NAXD: variants seen among roughly 807,000 people sequenced by gnomAD.
NAXD encodes ATP-dependent (S)-NAD(P)H-hydrate dehydratase.
In NAXD, 22 loss-of-function variants were observed where a neutral mutation model predicts 35.8. That is an observed-to-expected ratio of 0.62 (90% CI 0.44 to 0.88). The LOEUF (loss-of-function observed/expected upper bound fraction) is 0.88, where lower values mean the gene tolerates loss of function less well. Ranked by LOEUF, NAXD falls within the 40% of genes least tolerant of loss-of-function variation. The probability of loss-of-function intolerance (pLI) is 0.00; values close to 1 mark genes in which losing one functional copy is unlikely to be tolerated. For synonymous variants in NAXD, 189 were observed against 177.6 expected, an observed-to-expected ratio of 1.06 and a Z score of -0.51; for missense variants, 428 against 437.7, an observed-to-expected ratio of 0.98 and a Z score of 0.20.
intron 1 of NAXD, among the ~76,000 whole-genome samples, chr13:110,621,586 C>T (rs1202876179): frequency 6.6e-6 from 1 of 152,086 alleles, no homozygotes; most frequent in Non-Finnish European, 1.5e-5. Flanking sequence ...ATCCCAGATA[C>T]TCCGGAGGCT....
intron 2 of NAXD, among the ~76,000 whole-genome samples, chr13:110,623,438 C>T (rs866793529): frequency 4.6e-5 from 7 of 152,138 alleles, no homozygotes; most frequent in Admixed American, 1.3e-4. Context: ...AACAGCCAGG[C>T]GGAAGCAGCT....
chr13:110,634,482 G>C, intron 5 of NAXD, 63 bp from the exon 6 acceptor site: 2 of 1,542,010 alleles, frequency 1.3e-6, no homozygotes, highest in Non-Finnish European at 1.8e-6. Flanking sequence ...TGAGTTTTGA[G>C]AAGACACATA....
At chr13:110,627,396 A>C in intron 4 of NAXD, 43 bp from the exon 5 acceptor site, 2 of 1,259,416 alleles carry the variant, frequency 1.6e-6, no homozygotes, top group Non-Finnish European at 2.3e-6. Flanking sequence ...TAAGTAAATG[A>C]GGAATTGTGG....
At chr13:110,615,491 G>T, upstream of NAXD, 1 of 1,026,826 alleles carries the variant, frequency 9.7e-7, no homozygotes. Flanking sequence ...AGCGAGTTGG[G>T]ATCCCACTGC....
intron 1 of NAXD, among the ~76,000 whole-genome samples, chr13:110,616,580 A>C (rs1886065337): frequency 6.6e-6 from 1 of 152,216 alleles, no homozygotes; most frequent in Non-Finnish European, 1.5e-5. Context: ...AGGTAGAAAG[A>C]ATTTAAACAG....
intron 5 of NAXD, among the ~76,000 whole-genome samples, chr13:110,631,262 C>G (rs1174246595): frequency 4.6e-5 from 7 of 152,210 alleles, no homozygotes; most frequent in African/African-American, 1.7e-4. Flanking sequence ...TTATTTTTAA[C>G]AGCCACATCA....
chr13:110,622,235 G>T lies in NAXD; in HGVS notation c.66G>T (p.Ser22=), dbSNP rs150482005. ...ACRRVLERAF[S]LRKAHSIKDM... ...TTTCAGTTTTAGAAAGAGCGTTTTC[G>T]CTACGTAAAGCACATTCGATAAAGG... Residue 22 remains serine (S), a synonymous_variant, in exon 2 of 10, where the codon TCG becomes TCT. Transcript: ENST00000680254. The T allele has an allele frequency of 5.8e-5, 93 of 1,612,230 alleles. No individual in the cohort carries two copies. Among genetic ancestry groups the T allele is most frequent in the Admixed American group, 2.7e-4 (16 of 59,844 alleles).
In NAXD at chr13:110,625,401, T is replaced by C. The variant is rs374244624; in HGVS notation, c.332+123T>C. The C allele has an allele frequency of 7.0e-4, 486 of 693,410 alleles. 1 individual carries two copies. The African/African-American group carries it at 7.7e-3, about 11-fold the overall frequency. The allele number at this position is 693,410 out of a possible 1,614,324, so 43.0% of individuals were successfully genotyped here. On this transcript the variant is annotated intron_variant, in intron 4 of 9. Coordinates refer to ENST00000680254, the MANE Select transcript of NAXD (RefSeq NM_001242882.2). ...ATCCTCAGAGTTTCTCAGCAGGTGC[T>C]GTAGAGGAAGTAGGGAAATGAAGGA...
chr13:110,616,016 G>A, intron 1 of NAXD: 1 of 380,454 alleles, frequency 2.6e-6, no homozygotes, highest in Admixed American at 4.6e-5. Context: ...GAGCGGCGGA[G>A]CCCGCGCGGT....
At chr13:110,625,784 A>T (rs532707229) in intron 4 of NAXD, among the ~76,000 whole-genome samples, 37 of 152,190 alleles carry the variant, frequency 2.4e-4, no homozygotes, top group Non-Finnish European at 5.0e-4. Flanking sequence ...GAGGGCTTGA[A>T]ATGTGGCTGG....
intron 5 of NAXD, among the ~76,000 whole-genome samples, chr13:110,633,177 G>A (rs540808867): frequency 6.6e-6 from 1 of 152,328 alleles, no homozygotes; most frequent in East Asian, 1.9e-4. Flanking sequence ...CCTGCCCGGC[G>A]GGAAGGCAGC....
chr13:110,618,346 GT>G (rs939561126), intron 1 of NAXD, among the ~76,000 whole-genome samples: 4 of 152,158 alleles, frequency 2.6e-5, no homozygotes, highest in Non-Finnish European at 4.4e-5. Flanking sequence ...ATCTCACAAA[GT>G]CTTAAGATTT....
chr13:110,638,223 A>G lies in NAXD; in HGVS notation c.840-155A>G. ...GGTTAATGGTGGTTTTCGCTGTGAT[A>G]AACCTGCTTTCTCCTCAGGGGCATA... On this transcript the variant is annotated intron_variant, in intron 9 of 9. Coordinates refer to ENST00000680254, the MANE Select transcript of NAXD (RefSeq NM_001242882.2). The surrounding 1 kb of genome is among the most constrained non-coding windows in gnomAD (Gnocchi z 5.4). The G allele has an allele frequency of 6.5e-6, 10 of 1,538,048 alleles. No individual in the cohort carries two copies. The highest frequency in any genetic ancestry group is 8.7e-6 in the Non-Finnish European group (10 of 1,143,306).
intron 5 of NAXD, among the ~76,000 whole-genome samples, chr13:110,631,272 A>G (rs1886686353): frequency 6.6e-6 from 1 of 152,242 alleles, no homozygotes; most frequent in South Asian, 2.1e-4. Flanking sequence ...CAGCCACATC[A>G]GAATTTATGG....
intron 4 of NAXD, among the ~76,000 whole-genome samples, chr13:110,625,512 GGCCCA>G (rs1886437097): frequency 3.9e-5 from 6 of 152,354 alleles, no homozygotes; most frequent in Admixed American, 3.3e-4. Context: ...AAATGGCCGG[GGCCCA>G]GCTCCAGAGG....
intron 1 of NAXD, among the ~76,000 whole-genome samples, chr13:110,618,549 T>C (rs371277096): frequency 6.6e-6 from 1 of 152,352 alleles, no homozygotes; most frequent in South Asian, 2.1e-4. Context: ...CAGTGGGTTT[T>C]ACACACTCAG....
At chr13:110,635,675 C>A in intron 8 of NAXD, 87 bp downstream of exon 8, 1 of 1,449,538 alleles carries the variant, frequency 6.9e-7, no homozygotes. Flanking sequence ...AGACCTCTCC[C>A]GTGCACACCC....
chr13:110,634,051 C>A (rs1886824953), intron 5 of NAXD, among the ~76,000 whole-genome samples: 1 of 152,228 alleles, frequency 6.6e-6, no homozygotes, highest in Admixed American at 6.5e-5. Flanking sequence ...CTTCGCCTTT[C>A]AGAGTTCCCA....
At chr13:110,623,538 CTG>C (rs1384602787) in intron 2 of NAXD, among the ~76,000 whole-genome samples, 1 of 152,202 alleles carries the variant, frequency 6.6e-6, no homozygotes, top group Admixed American at 6.5e-5. Flanking sequence ...TCTGCCCACT[CTG>C]GGACCCTGTC....
Sources: allele counts gnomAD v4.1 joint callset (sites outside exome capture counted in the v4.1 genomes callset), GRCh38; gene constraint gnomAD v4.1.1; non-coding constraint Gnocchi (gnomAD v3.1); transcripts MANE v1.5; gene names NCBI Gene and HGNC (gene_info 2026-07-23, HGNC 2026-07-21).